The following TINAG variants were observed in gnomAD, a reference collection of about 807,000 sequenced individuals.
The protein encoded by TINAG is tubulointerstitial nephritis antigen.
Under a neutral mutation model 72.7 loss-of-function variants are expected in TINAG, and 83 were observed. That is an observed-to-expected ratio of 1.14 (90% CI 0.96 to 1.37). The LOEUF is 1.37. Among genes scored for constraint, TINAG ranks in the 40% most tolerant of loss-of-function variants. TINAG has a pLI of 0.00. For synonymous variants in TINAG, 234 were observed against 189.9 expected (o/e 1.23, Z -1.91); for missense variants, 685 against 576.6 (o/e 1.19, Z -1.93).
chr6:54,368,248 A>C (rs1763494646), intron 9 of TINAG, among the ~76,000 whole-genome samples: 1 of 147,626 alleles, frequency 6.8e-6, no homozygotes, highest in Admixed American at 6.8e-5. Context: ...AATATACAAC[A>C]TATAATATAT....
chr6:54,378,397 T>G (rs546474224), intron 9 of TINAG, among the ~76,000 whole-genome samples: 2 of 152,280 alleles, frequency 1.3e-5, no homozygotes, highest in Admixed American at 1.3e-4. Flanking sequence ...GGGTTTAGAA[T>G]GACTGGTGTT....
chr6:54,333,998 T>C (rs886828320), intron 4 of TINAG, among the ~76,000 whole-genome samples: 4 of 152,202 alleles, frequency 2.6e-5, no homozygotes, highest in African/African-American at 9.6e-5. Context: ...ATTCTTATGC[T>C]TTGAACTATC....
chr6:54,342,729 T>C (rs1466378947), intron 4 of TINAG, among the ~76,000 whole-genome samples: 2 of 152,198 alleles, frequency 1.3e-5, no homozygotes, highest in South Asian at 2.1e-4. Context: ...CTAGTTGTAT[T>C]TCCTAATAGC....
intron 10 of TINAG, among the ~76,000 whole-genome samples, chr6:54,385,879 A>ATTTTTTTTTT (rs557831982): frequency 1.2e-5 from 1 of 80,756 alleles, no homozygotes; most frequent in Non-Finnish European, 2.3e-5. Flanking sequence ...AAAAAACATG[A>ATTTTTTTTTT]TTTTTTTTTT....
At chr6:54,348,403 A>AT (rs1366417833) in intron 6 of TINAG, among the ~76,000 whole-genome samples, 33 of 152,236 alleles carry the variant, frequency 2.2e-4, no homozygotes, top group South Asian at 4.1e-4. Context: ...AATGTAAATT[A>AT]TTATTGAGAC....
chr6:54,381,057 T>C (rs1294292749), intron 10 of TINAG, among the ~76,000 whole-genome samples: 5 of 148,812 alleles, frequency 3.4e-5, no homozygotes, highest in African/African-American at 7.4e-5. Flanking sequence ...CATATATATA[T>C]ACACATATAT....
chr6:54,342,767 G>T (rs1043028055), intron 4 of TINAG, among the ~76,000 whole-genome samples: 1 of 152,040 alleles, frequency 6.6e-6, no homozygotes, highest in Non-Finnish European at 1.5e-5. Context: ...GTTCCTTGGG[G>T]CTCTATACAC....
intron 9 of TINAG, among the ~76,000 whole-genome samples, chr6:54,364,956 G>A (rs1230499201): frequency 6.6e-6 from 1 of 151,412 alleles, no homozygotes; most frequent in African/African-American, 2.4e-5. Flanking sequence ...CAAATTATTT[G>A]ACATAGTTTT....
At chr6:54,380,021 C>G (rs1763898647) in intron 9 of TINAG, among the ~76,000 whole-genome samples, 1 of 152,052 alleles carries the variant, frequency 6.6e-6, no homozygotes, top group Non-Finnish European at 1.5e-5. Context: ...TGAGTGAGAA[C>G]ATGCAATGTT....
At chr6:54,323,365 T>G (rs916374582) in intron 3 of TINAG, among the ~76,000 whole-genome samples, 3 of 152,176 alleles carry the variant, frequency 2.0e-5, no homozygotes, top group African/African-American at 7.2e-5. Context: ...AAAAGAAAGT[T>G]CTAATTCTCA....
At chr6:54,320,906 A>G (rs1784476124) in intron 2 of TINAG, among the ~76,000 whole-genome samples, 1 of 152,176 alleles carries the variant, frequency 6.6e-6, no homozygotes, top group Non-Finnish European at 1.5e-5. Flanking sequence ...CATTAAATGT[A>G]CCTCTTAATT....
At chr6:54,374,560 G>T (rs1230174318) in intron 9 of TINAG, among the ~76,000 whole-genome samples, 1 of 151,996 alleles carries the variant, frequency 6.6e-6, no homozygotes, top group Non-Finnish European at 1.5e-5. Context: ...AAGCATCTCA[G>T]GTAGAACATG....
rs1582713089 is a variant in TINAG at position 54,334,293 on chromosome 6, C to A, written c.624+7377C>A. Among the ~76,000 whole-genome samples, 3 of 152,306 alleles carry A rather than the reference C, an allele frequency of 2.0e-5. 1 individual carries two copies. On this transcript the variant is annotated intron_variant, in intron 4 of 10. Coordinates refer to ENST00000259782, the MANE Select transcript of TINAG (RefSeq NM_014464.4). ...ACATCCAGTCTCAGCTGCCTAGAAG[C>A]TCTCAGCATCTTTAGCAGGCAAGAT...
At chr6:54,319,107 T>G (rs1784434850) in intron 1 of TINAG, among the ~76,000 whole-genome samples, 1 of 152,094 alleles carries the variant, frequency 6.6e-6, no homozygotes, top group South Asian at 2.1e-4. Context: ...GAGATGTCTG[T>G]TCCATTTATC....
chr6:54,365,393 T>A (rs1388393377), intron 9 of TINAG: 1 of 151,578 alleles, frequency 6.6e-6, no homozygotes, highest in Non-Finnish European at 1.5e-5. Context: ...CTTGTTCACA[T>A]AATAGTTTAG....
At chr6:54,374,255 T>G (rs1323540379) in intron 9 of TINAG, among the ~76,000 whole-genome samples, 1 of 152,092 alleles carries the variant, frequency 6.6e-6, no homozygotes, top group Non-Finnish European at 1.5e-5. Flanking sequence ...AATATTTTCA[T>G]GTGAAAAATG....
At position 54,308,744 on chromosome 6, in the gene TINAG, A is replaced by G; in HGVS notation, c.194A>G (p.Asp65Gly). 1 of 1,613,962 alleles carries G rather than the reference A, an allele frequency of 6.2e-7. No homozygotes were observed. The highest frequency in any genetic ancestry group is 8.5e-7 in the Non-Finnish European group (1 of 1,179,906). ...TGTAGAAATTTTGGCTGTTGTGAAG[A>G]CAGAGATGATGGCTGTGTCACTGAG... is the stretch of plus-strand genomic sequence containing the variant. ...QYCRNFGCCE[D>G]RDDGCVTEFY... is the part of the protein sequence containing the mutation. Residue 65 changes from aspartate (D) to glycine (G), a missense_variant, in exon 1 of 11, where the codon GAC (aspartate) becomes GGC (glycine). Transcript: ENST00000259782.
chr6:54,359,398 T>A (rs1430695972), intron 9 of TINAG, among the ~76,000 whole-genome samples: 1 of 151,876 alleles, frequency 6.6e-6, no homozygotes, highest in Admixed American at 6.6e-5. Context: ...TTTCTATTAT[T>A]CATAGAACTA....
upstream of TINAG, chr6:54,308,190 G>A (rs1784155350): frequency 3.5e-6 from 5 of 1,417,716 alleles, no homozygotes; most frequent in African/African-American, 1.4e-5. Flanking sequence ...TATATTCTAA[G>A]GAGGCTTTCG....
Sources: gnomAD v4.1 joint callset for allele counts (sites outside exome capture counted in the v4.1 genomes callset) on GRCh38, gnomAD v4.1.1 for gene constraint, MANE v1.5 for transcripts, NCBI Gene and HGNC (gene_info 2026-07-23, HGNC 2026-07-21) for gene names.